Variants in CLDN14 observed in about 807,000 individuals in gnomAD.
CLDN14 encodes claudin-14.
In CLDN14, 2 loss-of-function variants were observed where a neutral mutation model predicts 2.1. The observed-to-expected ratio is 0.96, with a 90% CI of 0.39 to 3.01. The LOEUF (loss-of-function observed/expected upper bound fraction) is 3.01. Ranked by LOEUF, CLDN14 falls within the 30% of genes most tolerant of loss-of-function variation. The probability of loss-of-function intolerance (pLI) is 0.09; values close to 1 mark genes in which losing one functional copy is unlikely to be tolerated. For synonymous variants in CLDN14, 136 were observed against 154.4 expected (o/e 0.88, Z 0.88); for missense variants, 298 against 328.0 (o/e 0.91, Z 0.71).
upstream of CLDN14, chr21:36,480,847 TA>T (rs1237793893): frequency 1.3e-5 from 2 of 151,316 alleles, no homozygotes; most frequent in East Asian, 1.9e-4. Context: ...GGTTGGTGTT[TA>T]AAAAAAAAGA....
intron 2 of CLDN14, among the ~76,000 whole-genome samples, chr21:36,489,143 T>TATAG (rs2086934511): frequency 7.9e-6 from 1 of 126,262 alleles, no homozygotes; most frequent in Non-Finnish European, 1.6e-5. Flanking sequence ...TATATATATA[T>TATAG]ATATATATAT....
intron 1 of CLDN14, among the ~76,000 whole-genome samples, chr21:36,531,227 G>T (rs1394274069): frequency 6.6e-6 from 1 of 150,606 alleles, no homozygotes; most frequent in African/African-American, 2.4e-5. Context: ...ACCCTGTCTT[G>T]AAAAAAAATT....
chr21:36,473,045 C>T lies in CLDN14; in HGVS notation c.-82+6450G>A, dbSNP rs116091175. Among the ~76,000 whole-genome samples the T allele has an allele frequency of 3.4e-3, 509 of 151,640 alleles. 6 individuals are homozygous for T. Among genetic ancestry groups the T allele is most frequent in the African/African-American group, 0.012 (491 of 40,920 alleles). The stretch of plus-strand genomic sequence containing the variant: ...TTTCCAACATCAGCCCTTCTCAGCT[C>T]TATAGCAGGCTGCCTTCCAACTGAA... On this transcript the variant is annotated intron_variant, in intron 1 of 1. Transcript: ENST00000399135.
chr21:36,559,297 A>G (rs949928159), intron 1 of CLDN14, among the ~76,000 whole-genome samples: 7 of 152,112 alleles, frequency 4.6e-5, no homozygotes, highest in African/African-American at 1.7e-4. Flanking sequence ...CCTGGGTTCA[A>G]GTGATTCTCC....
intron 1 of CLDN14, among the ~76,000 whole-genome samples, chr21:36,522,400 G>A (rs1387508609): frequency 6.6e-6 from 1 of 152,238 alleles, no homozygotes; most frequent in Non-Finnish European, 1.5e-5. Flanking sequence ...AACTTTGGGA[G>A]ACACTGAGCA....
chr21:36,471,022 C>T (rs1184287667), intron 1 of CLDN14, among the ~76,000 whole-genome samples: 3 of 152,126 alleles, frequency 2.0e-5, no homozygotes, highest in East Asian at 1.9e-4. Flanking sequence ...ATAAGAACTG[C>T]GTCCCCTTCC....
At chr21:36,469,619 C>T (rs1284800630) in intron 1 of CLDN14, among the ~76,000 whole-genome samples, 1 of 151,988 alleles carries the variant, frequency 6.6e-6, no homozygotes, top group African/African-American at 2.4e-5. Flanking sequence ...AGAACTGATT[C>T]GAAGAAAAGT....
chr21:36,461,315 CAGGATGAAGAGGGTGCCGCCG>C lies in CLDN14; in HGVS notation c.360_380del (p.Gly121_Leu127del). 1 of 1,613,598 alleles carries C rather than the reference CAGGATGAAGAGGGTGCCGCCG, an allele frequency of 6.2e-7. No individual in the cohort carries two copies. The highest frequency in any genetic ancestry group is 8.5e-7 in the Non-Finnish European group (1 of 1,179,978). On this transcript the variant is annotated inframe_deletion, in exon 2 of 2. Transcript: ENST00000399135. ...CGGCCACCATGCACAGGAGGCCGGC[CAGGATGAAGAGGGTGCCGCCG>C]AGGATGGCAAAGGTGGTCTTGGCGG...
intron 1 of CLDN14, among the ~76,000 whole-genome samples, chr21:36,553,343 A>G (rs554316376): frequency 6.6e-6 from 1 of 152,274 alleles, no homozygotes; most frequent in East Asian, 1.9e-4. Context: ...ATTTCAACAC[A>G]GGAGGGGGCC....
intron 1 of CLDN14, among the ~76,000 whole-genome samples, chr21:36,524,321 T>G (rs1275289486): frequency 2.0e-5 from 3 of 152,128 alleles, no homozygotes; most frequent in Non-Finnish European, 4.4e-5. Context: ...AGGGTCTCCC[T>G]ATGTTACCCA....
chr21:36,563,992 G>A lies in CLDN14; in HGVS notation c.-220+12419C>T, dbSNP rs1460146683. ...CCTTCCCTAATGGGAAAGTGTATTC[G>A]ATGACCTGAAAGTTCACATGCCTTA... is the stretch of plus-strand genomic sequence containing the variant. On this transcript the variant is annotated intron_variant, in intron 1 of 2. Coordinates refer to the CLDN14 transcript ENST00000342108. Among the ~76,000 whole-genome samples the A allele has an allele frequency of 3.3e-5, 5 of 152,258 alleles. No individual in the cohort carries two copies. The East Asian group carries it at 5.8e-4, about 18-fold the overall frequency.
intron 2 of CLDN14, among the ~76,000 whole-genome samples, chr21:36,509,172 CTT>C (rs1473301764): frequency 1.3e-5 from 2 of 152,248 alleles, no homozygotes; most frequent in Non-Finnish European, 2.9e-5. Flanking sequence ...TTCTGACTCT[CTT>C]TGGTTGAGCA....
intron 2 of CLDN14, among the ~76,000 whole-genome samples, chr21:36,505,450 C>T (rs1457919914): frequency 6.6e-6 from 1 of 152,112 alleles, no homozygotes; most frequent in Non-Finnish European, 1.5e-5. Context: ...GTAGACCAAA[C>T]AGCTAAGAAA....
rs545577334 is a variant in CLDN14 at position 36,505,735 on chromosome 21, T to A, written c.-82+4628A>T. ...AAAGAAAATGCAAAACCACTCAGGA[T>A]TGCCCAAGTCTGACATATTTAGGTT... On this transcript the variant is annotated intron_variant, in intron 2 of 2. Coordinates refer to the CLDN14 transcript ENST00000342108. Among the ~76,000 whole-genome samples, 5 of 152,318 alleles carry A rather than the reference T, an allele frequency of 3.3e-5. No homozygotes were observed. In the South Asian group the frequency reaches 8.3e-4, roughly 25 times the overall value.
intron 1 of CLDN14, among the ~76,000 whole-genome samples, chr21:36,556,701 T>C (rs1188497022): frequency 2.0e-5 from 3 of 152,220 alleles, no homozygotes; most frequent in Non-Finnish European, 2.9e-5. Context: ...ACAGCTGTCT[T>C]CTTGAAAAGT....
chr21:36,536,611 C>G (rs2087425431), intron 1 of CLDN14, among the ~76,000 whole-genome samples: 1 of 152,166 alleles, frequency 6.6e-6, no homozygotes. Context: ...TTTTCATTGA[C>G]AGTAGAAAGC....
At chr21:36,476,341 T>A (rs2086779172) in intron 1 of CLDN14, among the ~76,000 whole-genome samples, 1 of 152,196 alleles carries the variant, frequency 6.6e-6, no homozygotes, top group South Asian at 2.1e-4. Flanking sequence ...AGCCTGTTCT[T>A]ACAACCTGGG....
At position 36,461,141 on chromosome 21, in the gene CLDN14, G is replaced by T; in HGVS notation, c.555C>A (p.Cys185Ter). ...AGGGCCTGTAGGGTGCCTCGTCCTG[G>T]CAGGACAGGCAAAGCAGGGTGCCAC... is the stretch of plus-strand genomic sequence containing the variant. ...LIGGTLLCLS[C>*]QDEAPYRPYQ... The change falls in exon 2 of 2, where the codon TGC (cysteine) becomes TGA (stop). Residue 185 changes from cysteine to a stop codon, truncating the protein, a stop_gained. Coordinates refer to ENST00000399135, the MANE Select transcript of CLDN14 (RefSeq NM_001146079.2). LOFTEE classifies it low-confidence loss of function (END_TRUNC). 1 of 1,613,872 alleles carries T rather than the reference G, an allele frequency of 6.2e-7. No homozygotes were observed. The highest frequency in any genetic ancestry group is 8.5e-7 in the Non-Finnish European group (1 of 1,179,756).
At chr21:36,495,546 C>A (rs1290454033) in intron 2 of CLDN14, among the ~76,000 whole-genome samples, 1 of 152,162 alleles carries the variant, frequency 6.6e-6, no homozygotes. Flanking sequence ...ACACTGACTT[C>A]ATCAAAAAAG....
Sources: allele counts gnomAD v4.1 joint callset (sites outside exome capture counted in the v4.1 genomes callset), GRCh38; gene constraint gnomAD v4.1.1; transcripts MANE v1.5; gene names NCBI Gene and HGNC (gene_info 2026-07-23, HGNC 2026-07-21).